The following TTLL5 variants were observed in gnomAD, a reference collection of about 807,000 sequenced individuals.
TTLL5 encodes the protein tubulin polyglutamylase TTLL5.
Under a neutral mutation model 168.4 loss-of-function variants are expected in TTLL5, and 132 were observed. The ratio of observed to expected loss-of-function variants is 0.78; its 90% CI spans 0.68 to 0.91. The LOEUF (loss-of-function observed/expected upper bound fraction) is 0.91. Among genes scored for constraint, TTLL5 ranks in the 40% least tolerant of loss-of-function variants. The probability of loss-of-function intolerance (pLI) is 0.00; values close to 1 mark genes in which losing one functional copy is unlikely to be tolerated. For synonymous variants in TTLL5, 546 were observed against 558.6 expected (o/e 0.98, Z 0.32); for missense variants, 1,545 against 1,581.5 (o/e 0.98, Z 0.39).
chr14:75,794,355 A>G (rs1402585277), intron 27 of TTLL5, among the ~76,000 whole-genome samples: 1 of 151,946 alleles, frequency 6.6e-6, no homozygotes, highest in African/African-American at 2.4e-5. Flanking sequence ...GCTCTGCTAC[A>G]CTTTTATCAT....
chr14:75,922,432 T>C (rs536261229), intron 31 of TTLL5, among the ~76,000 whole-genome samples: 1 of 152,384 alleles, frequency 6.6e-6, no homozygotes, highest in Non-Finnish European at 1.5e-5. Flanking sequence ...TTGAGTGTTT[T>C]TAGCATGAAG....
At chr14:75,803,649 A>G (rs8016465) in intron 27 of TTLL5, among the ~76,000 whole-genome samples, 114,636 of 152,080 alleles carry the variant, frequency 0.75, 43,468 homozygotes, top group Admixed American at 0.81. Context: ...TTGGAAATCT[A>G]TGTGTATGTC....
intron 31 of TTLL5, among the ~76,000 whole-genome samples, chr14:75,906,282 T>C (rs893469730): frequency 6.6e-6 from 1 of 152,180 alleles, no homozygotes; most frequent in East Asian, 1.9e-4. Flanking sequence ...TTTTTGGAGC[T>C]CCTGGGTGGA....
intron 27 of TTLL5, among the ~76,000 whole-genome samples, chr14:75,800,752 C>A (rs1031486712): frequency 6.6e-6 from 1 of 152,098 alleles, no homozygotes; most frequent in Non-Finnish European, 1.5e-5. Context: ...TGGGTCTAGC[C>A]CCCCAGCAGA....
At chr14:75,740,607 T>C (rs1359583101) in intron 15 of TTLL5, among the ~76,000 whole-genome samples, 1 of 152,168 alleles carries the variant, frequency 6.6e-6, no homozygotes, top group Admixed American at 6.5e-5. Flanking sequence ...GCCTACTTGC[T>C]TTCTCCCCTC....
At chr14:75,884,564 C>G (rs1172565003) in intron 30 of TTLL5, among the ~76,000 whole-genome samples, 1 of 152,094 alleles carries the variant, frequency 6.6e-6, no homozygotes, top group Non-Finnish European at 1.5e-5. Context: ...CAAAAATGCA[C>G]AGAAGGGGGG....
intron 10 of TTLL5, among the ~76,000 whole-genome samples, chr14:75,719,263 C>A (rs958315283): frequency 6.6e-6 from 1 of 152,232 alleles, no homozygotes; most frequent in East Asian, 1.9e-4. Flanking sequence ...CAAAGCAATT[C>A]TGTGTGGGGT....
chr14:75,923,749 A>C (rs1360837406), intron 31 of TTLL5, among the ~76,000 whole-genome samples: 3 of 152,202 alleles, frequency 2.0e-5, no homozygotes, highest in African/African-American at 7.2e-5. Context: ...AGCTGAGTTC[A>C]AGTCCTAGAT....
At chr14:75,731,484 A>G (rs553134369) in intron 12 of TTLL5, among the ~76,000 whole-genome samples, 127 of 151,932 alleles carry the variant, frequency 8.4e-4, no homozygotes, top group Middle Eastern at 3.4e-3. Context: ...AAGGGTTTCA[A>G]AGTTAACCTC....
intron 12 of TTLL5, among the ~76,000 whole-genome samples, chr14:75,723,936 T>C (rs1888010489): frequency 6.6e-6 from 1 of 152,090 alleles, no homozygotes; most frequent in Admixed American, 6.6e-5. Context: ...TTTGTATACG[T>C]GTGTATATTT....
intron 20 of TTLL5, among the ~76,000 whole-genome samples, chr14:75,766,879 G>A (rs1280203347): frequency 6.6e-6 from 1 of 151,996 alleles, no homozygotes; most frequent in Admixed American, 6.6e-5. Context: ...AAGACGTAGA[G>A]GTGGCCAAGC....
At chr14:75,816,326 A>G (rs1894390580) in intron 27 of TTLL5, among the ~76,000 whole-genome samples, 2 of 152,204 alleles carry the variant, frequency 1.3e-5, no homozygotes, top group Non-Finnish European at 2.9e-5. Flanking sequence ...AGGCTGAGGC[A>G]GGAGAATCAC....
chr14:75,922,688 C>G (rs2033869433), intron 31 of TTLL5, among the ~76,000 whole-genome samples: 1 of 152,108 alleles, frequency 6.6e-6, no homozygotes, highest in Admixed American at 6.6e-5. Context: ...ATCTAAAATT[C>G]TCTTTTTTTG....
chr14:75,781,575 G>A (rs1892051218), intron 24 of TTLL5, among the ~76,000 whole-genome samples: 1 of 152,136 alleles, frequency 6.6e-6, no homozygotes, highest in Non-Finnish European at 1.5e-5. Context: ...TCAAAATTCT[G>A]TAGTGGAAAA....
intron 30 of TTLL5, among the ~76,000 whole-genome samples, chr14:75,884,236 A>C (rs1262569700): frequency 6.6e-6 from 1 of 152,210 alleles, no homozygotes; most frequent in Admixed American, 6.5e-5. Context: ...GCCCGTAGTT[A>C]ACTAGGAAAA....
intron 17 of TTLL5, among the ~76,000 whole-genome samples, chr14:75,751,083 T>A (rs902935271): frequency 6.6e-6 from 1 of 152,182 alleles, no homozygotes. Flanking sequence ...CTGAAGTCTT[T>A]GTATGGGCTC....
chr14:75,757,808 G>A (rs749791832), intron 18 of TTLL5: 16 of 1,585,870 alleles, frequency 1.0e-5, no homozygotes, highest in East Asian at 4.5e-5. Context: ...TCTCTAACCC[G>A]GTTGTCCTTT....
At chr14:75,856,583 T>G (rs1047058808) in intron 28 of TTLL5, among the ~76,000 whole-genome samples, 1 of 152,050 alleles carries the variant, frequency 6.6e-6, no homozygotes, top group African/African-American at 2.4e-5. Context: ...AGATTTATTC[T>G]TAGGTATTTG....
chr14:75,953,725 T>C (rs984991526), intron 31 of TTLL5, among the ~76,000 whole-genome samples: 2 of 152,048 alleles, frequency 1.3e-5, no homozygotes, highest in African/African-American at 2.4e-5. Context: ...TGAGGGAAAA[T>C]TTAGAAAAAC....
Sources: allele counts gnomAD v4.1 joint callset (sites outside exome capture counted in the v4.1 genomes callset), GRCh38; gene constraint gnomAD v4.1.1; transcripts MANE v1.5; gene names NCBI Gene and HGNC (gene_info 2026-07-23, HGNC 2026-07-21).